Variants in KCNT2 observed in about 807,000 individuals in gnomAD.
KCNT2 encodes the protein potassium channel subfamily T member 2.
In KCNT2, 67 loss-of-function variants were observed where a neutral mutation model predicts 153.8. The observed-to-expected ratio is 0.44, with a 90% CI of 0.36 to 0.53. KCNT2 has a LOEUF of 0.53. Among genes scored for constraint, KCNT2 ranks in the 20% least tolerant of loss-of-function variants. The pLI, the probability that KCNT2 is intolerant of heterozygous loss-of-function variation, is 0.00. For synonymous variants in KCNT2, 500 were observed against 458.8 expected (o/e 1.09, Z -1.15); for missense variants, 975 against 1,354.8 (o/e 0.72, Z 4.40).
chr1:196,293,598 C>A (rs1272578060), intron 22 of KCNT2, among the ~76,000 whole-genome samples: 1 of 152,084 alleles, frequency 6.6e-6, no homozygotes, highest in African/African-American at 2.4e-5. Flanking sequence ...AACTGGATAT[C>A]TGCAAGCAAA....
chr1:196,526,760 T>G (rs1279091440), intron 1 of KCNT2, among the ~76,000 whole-genome samples: 1 of 151,906 alleles, frequency 6.6e-6, no homozygotes, highest in African/African-American at 2.4e-5. Context: ...CACTATGTAG[T>G]TTTTTTTGGA....
chr1:196,546,881 A>C lies in KCNT2; in HGVS notation c.96-54540T>G, dbSNP rs577510320. On this transcript the variant is annotated intron_variant, in intron 1 of 27. Coordinates refer to ENST00000294725, the MANE Select transcript of KCNT2 (RefSeq NM_198503.5). Reference sequence around the variant, plus strand: ...AACATTGATTGCAAAACTAACACATATTCTGGTAAAGGTACTAAACTGCAT... The same window carrying C: ...AACATTGATTGCAAAACTAACACATCTTCTGGTAAAGGTACTAAACTGCAT... Among the ~76,000 whole-genome samples the C allele has an allele frequency of 6.5e-4, 99 of 152,188 alleles. 1 individual carries two copies. The highest frequency in any genetic ancestry group is 2.1e-3 in the African/African-American group (86 of 41,560).
intron 14 of KCNT2, among the ~76,000 whole-genome samples, chr1:196,344,522 T>C (rs1327967219): frequency 6.6e-6 from 1 of 152,198 alleles, no homozygotes; most frequent in East Asian, 1.9e-4. Flanking sequence ...TTGTACCACA[T>C]TACTATTTAG....
In KCNT2 at chr1:196,445,600, T is replaced by C. The variant is rs149709379; in HGVS notation, c.639-15843A>G. 2.6e-4 allele frequency among the ~76,000 whole-genome samples: 40 copies of C among 151,570 alleles called. No individual in the cohort carries two copies. In the East Asian group the frequency reaches 6.4e-3, roughly 24 times the overall value. On this transcript the variant is annotated intron_variant, in intron 8 of 27. Transcript: ENST00000294725. ...AAAGTGTAATATTAAAATATCATGT[T>C]CATCAACAGAGAAACTTTGTCATAA...
intron 1 of KCNT2, among the ~76,000 whole-genome samples, chr1:196,500,726 C>T (rs866852717): frequency 2.6e-5 from 4 of 152,276 alleles, no homozygotes; most frequent in Middle Eastern, 3.4e-3. Context: ...GAAAACTCTT[C>T]TGTACACCAA....
In KCNT2 at chr1:196,226,468, C is replaced by G. The variant is rs1653499979; in HGVS notation, c.*1756G>C. ...TACAATCTTTAAGTTTTAAGGCATG[C>G]TCCCAATTTTAGCTAACCTGTTATA... On this transcript the variant is annotated 3_prime_UTR_variant, in exon 28 of 28. Transcript: ENST00000294725. 6.6e-6 allele frequency: 1 copy of G among 151,964 alleles called. No homozygotes were observed. The highest frequency in any genetic ancestry group is 6.5e-5 in the Admixed American group (1 of 15,268). 9.4% of individuals were successfully genotyped at this position (151,964 alleles called of 1,614,324 possible). A position where few individuals can be genotyped will look rare whatever the true frequency, so the allele number is the denominator to read the frequency against.
intron 21 of KCNT2, among the ~76,000 whole-genome samples, chr1:196,306,809 G>A (rs1661681255): frequency 6.6e-6 from 1 of 151,486 alleles, no homozygotes; most frequent in Admixed American, 6.6e-5. Context: ...ACTAACATTG[G>A]GCCTTACCTA....
intron 11 of KCNT2, 121 bp from the exon 12 acceptor site, chr1:196,423,234 C>G (rs556909693): frequency 2.0e-6 from 1 of 496,532 alleles, no homozygotes; most frequent in Non-Finnish European, 3.5e-6. Flanking sequence ...CCATGTATAT[C>G]CTTAAGCTTA....
At chr1:196,267,488 C>G (rs1450278148) in intron 25 of KCNT2, among the ~76,000 whole-genome samples, 1 of 152,122 alleles carries the variant, frequency 6.6e-6, no homozygotes, top group Non-Finnish European at 1.5e-5. Flanking sequence ...ATTTATGCTC[C>G]TACTTGCAAA....
chr1:196,490,502 A>C (rs1009348906), intron 2 of KCNT2, among the ~76,000 whole-genome samples: 1 of 148,198 alleles, frequency 6.7e-6, no homozygotes, highest in South Asian at 2.1e-4. Context: ...TATATATTAT[A>C]TAAGTATAGA....
intron 1 of KCNT2, among the ~76,000 whole-genome samples, chr1:196,537,293 T>C (rs1187824050): frequency 6.6e-6 from 1 of 152,162 alleles, no homozygotes; most frequent in Non-Finnish European, 1.5e-5. Context: ...ACTGTGAAAG[T>C]CCATTGTCTC....
chr1:196,331,193 T>G lies in KCNT2; in HGVS notation c.2066A>C (p.His689Pro). Reference sequence around the variant, plus strand: ...TAAGCAGCAAAATGGTACTTTTTCATGAAGGAGATGACAAAAAGTGGGTGA... The same window carrying G: ...TAAGCAGCAAAATGGTACTTTTTCAGGAAGGAGATGACAAAAAGTGGGTGA... ...GSSPTFCHLL[H>P]EKVPFCCLRL... is the part of the protein sequence containing the mutation. Residue 689 changes from histidine (H) to proline (P), a missense_variant, in exon 18 of 28, where the codon CAT becomes CCT. Around this residue, in one of 6 missense-constraint regions of KCNT2, gnomAD observed 325 missense variants for 388.1 expected, o/e 0.84. Coordinates refer to ENST00000294725, the MANE Select transcript of KCNT2 (RefSeq NM_198503.5). 6.2e-7 allele frequency: 1 copy of G among 1,609,246 alleles called. No individual in the cohort carries two copies. Among genetic ancestry groups the G allele is most frequent in the African/African-American group, 1.3e-5 (1 of 74,894 alleles).
intron 14 of KCNT2, among the ~76,000 whole-genome samples, chr1:196,355,283 C>T (rs1667083292): frequency 6.6e-6 from 1 of 150,948 alleles, no homozygotes; most frequent in South Asian, 2.1e-4. Flanking sequence ...AACAGCAGAA[C>T]TGCCCCAACA....
intron 1 of KCNT2, among the ~76,000 whole-genome samples, chr1:196,520,597 G>A (rs1653236829): frequency 1.3e-5 from 2 of 152,088 alleles, no homozygotes; most frequent in Non-Finnish European, 2.9e-5. Flanking sequence ...CATGAAAACA[G>A]ACACACAGAC....
At chr1:196,271,098 A>G (rs1057324283) in intron 25 of KCNT2, among the ~76,000 whole-genome samples, 1 of 151,924 alleles carries the variant, frequency 6.6e-6, no homozygotes. Flanking sequence ...AGCATCTGAG[A>G]ACCAATGGAT....
At chr1:196,234,256 A>G (rs1433184302) in intron 27 of KCNT2, among the ~76,000 whole-genome samples, 1 of 151,094 alleles carries the variant, frequency 6.6e-6, no homozygotes, top group East Asian at 1.9e-4. Flanking sequence ...GGACCCACAT[A>G]TCATCTCTTT....
intron 22 of KCNT2, among the ~76,000 whole-genome samples, chr1:196,286,708 T>C (rs946921777): frequency 3.3e-5 from 5 of 151,848 alleles, no homozygotes; most frequent in Admixed American, 1.3e-4. Flanking sequence ...GGGGGTGATA[T>C]GGTGTATGAG....
chr1:196,315,846 GT>G, intron 21 of KCNT2, 45 bp downstream of exon 21: 1 of 1,544,154 alleles, frequency 6.5e-7, no homozygotes, highest in African/African-American at 1.4e-5. Flanking sequence ...TTTTACCAAT[GT>G]TTAGCACAAA....
At chr1:196,593,307 T>TACACACAC (rs1380637836) in intron 1 of KCNT2, among the ~76,000 whole-genome samples, 32 of 124,776 alleles carry the variant, frequency 2.6e-4, no homozygotes, top group African/African-American at 1.3e-3. Flanking sequence ...TATATATATA[T>TACACACAC]ATATACACAC....
Sources: allele counts gnomAD v4.1 joint callset (sites outside exome capture counted in the v4.1 genomes callset), GRCh38; gene constraint gnomAD v4.1.1; regional missense constraint gnomAD v4.1.1; transcripts MANE v1.5; gene names NCBI Gene and HGNC (gene_info 2026-07-23, HGNC 2026-07-21).